Variants in CTNNB1 observed in about 807,000 individuals in gnomAD.
The protein encoded by CTNNB1 is catenin beta-1.
Under a neutral mutation model 82.5 loss-of-function variants are expected in CTNNB1, and 6 were observed. That is an observed-to-expected ratio of 0.07 (90% CI 0.04 to 0.14). CTNNB1 has a LOEUF of 0.14. CTNNB1 is among the 10% of genes least tolerant of loss of function. CTNNB1 has a pLI of 1.00. For missense variants in CTNNB1, 529 were observed against 980.4 expected (o/e 0.54, Z 6.15); for synonymous variants, 312 against 329.7 (o/e 0.95, Z 0.58).
chr3:41,214,139 A>G lies in CTNNB1; in HGVS notation c.-48-9882A>G, dbSNP rs114120789. ...TAACTTGGGTTCATTTCCTGATGGC[A>G]CACATGAAGTTTGGATCATATGGTT... On this transcript the variant is annotated intron_variant, in intron 1 of 14. Transcript: ENST00000349496. Among the ~76,000 whole-genome samples the G allele has an allele frequency of 2.2e-3, 328 of 152,260 alleles. 2 individuals are homozygous for G. Among genetic ancestry groups the G allele is most frequent in the African/African-American group, 7.5e-3 (310 of 41,554 alleles).
intron 1 of CTNNB1, among the ~76,000 whole-genome samples, chr3:41,202,670 T>C (rs2077559839): frequency 6.6e-6 from 1 of 152,194 alleles, no homozygotes; most frequent in Non-Finnish European, 1.5e-5. Context: ...AGACTATTTA[T>C]GTAATATTGC....
intron 1 of CTNNB1, among the ~76,000 whole-genome samples, chr3:41,210,523 A>C (rs1201822565): frequency 6.6e-6 from 1 of 152,160 alleles, no homozygotes; most frequent in Non-Finnish European, 1.5e-5. Flanking sequence ...CAGGATCATC[A>C]GTATCACTGT....
At position 41,239,377 on chromosome 3, in the gene CTNNB1, T is replaced by G; in HGVS notation, c.*35T>G. 1 of 1,586,094 alleles carries G rather than the reference T, an allele frequency of 6.3e-7. No individual in the cohort carries two copies. Among genetic ancestry groups the G allele is most frequent in the Non-Finnish European group, 8.6e-7 (1 of 1,160,164 alleles). ...TAGGTAAGAAGTTTTAAAAAGCCAG[T>G]TTGGGTAAAATACTTTTACTCTGCC... is the stretch of plus-strand genomic sequence containing the variant. On this transcript the variant is annotated 3_prime_UTR_variant, in exon 15 of 15. Transcript: ENST00000349496.
intron 11 of CTNNB1, chr3:41,236,125 TC>T (rs1344570640): frequency 1.4e-6 from 1 of 717,726 alleles, no homozygotes; most frequent in Non-Finnish European, 2.3e-6. Context: ...AAATCTTAGA[TC>T]AGTTAGAGCT....
intron 1 of CTNNB1, among the ~76,000 whole-genome samples, chr3:41,213,421 A>G (rs1413710498): frequency 1.3e-5 from 2 of 152,114 alleles, no homozygotes; most frequent in Non-Finnish European, 2.9e-5. Context: ...CCACTTGTTA[A>G]TTAGTTACAT....
In CTNNB1 at chr3:41,234,122, T is replaced by G. The variant is rs201206373; in HGVS notation, c.1525-17T>G. The G allele has an allele frequency of 6.2e-7, 1 of 1,614,172 alleles. No individual in the cohort carries two copies. The highest frequency in any genetic ancestry group is 1.1e-5 in the South Asian group (1 of 91,084). On this transcript the variant is annotated splice_polypyrimidine_tract_variant and intron_variant, in intron 9 of 14. Coordinates refer to ENST00000349496, the MANE Select transcript of CTNNB1 (RefSeq NM_001904.4). ...ATTTTGTTGAGTTGTATGCCAGTTCTTCCTTCTGTTTTTCAGGCTACTGTT... is the reference window on the plus strand; with the variant it reads ...ATTTTGTTGAGTTGTATGCCAGTTCGTCCTTCTGTTTTTCAGGCTACTGTT...
intron 1 of CTNNB1, among the ~76,000 whole-genome samples, chr3:41,200,773 C>G (rs1322234593): frequency 1.3e-5 from 2 of 152,198 alleles, no homozygotes; most frequent in Non-Finnish European, 1.5e-5. Flanking sequence ...ATCTGCCAAG[C>G]TTGAAAGCTT....
rs868651538 is a variant in CTNNB1 at position 41,233,420 on chromosome 3, T to C, written c.1161T>C (p.Asn387=). 1 of 1,614,218 alleles carries C rather than the reference T, an allele frequency of 6.2e-7. No homozygotes were observed. ...LVQNCLWTLR[N]LSDAATKQEG... Reference sequence around the variant, plus strand: ...AGAACTGTCTTTGGACTCTCAGGAATCTTTCAGATGCTGCAACTAAACAGG... The same window carrying C: ...AGAACTGTCTTTGGACTCTCAGGAACCTTTCAGATGCTGCAACTAAACAGG... Residue 387 remains asparagine (N), a synonymous_variant, in exon 8 of 15, where the codon AAT becomes AAC. Coordinates refer to ENST00000349496, the MANE Select transcript of CTNNB1 (RefSeq NM_001904.4).
intron 1 of CTNNB1, among the ~76,000 whole-genome samples, chr3:41,219,922 A>G (rs1436750736): frequency 6.6e-6 from 1 of 152,228 alleles, no homozygotes; most frequent in Non-Finnish European, 1.5e-5. Flanking sequence ...TAGTATAGAC[A>G]TACGATACAA....
chr3:41,217,157 C>G (rs768243806), intron 1 of CTNNB1, among the ~76,000 whole-genome samples: 44 of 152,146 alleles, frequency 2.9e-4, no homozygotes, highest in Non-Finnish European at 5.4e-4. Context: ...ACATTGAGTT[C>G]ATTCCTTACT....
chr3:41,238,884 C>T (rs1215068506), intron 14 of CTNNB1, among the ~76,000 whole-genome samples: 3 of 152,190 alleles, frequency 2.0e-5, no homozygotes, highest in Non-Finnish European at 4.4e-5. Flanking sequence ...AATGATGTGA[C>T]TAGGCCCTGC....
Position 41,225,213 on chromosome 3 carries a change from C to T in CTNNB1, c.495+6C>T, listed in dbSNP as rs1306180452. On this transcript the variant is annotated splice_donor_region_variant and intron_variant, in intron 4 of 14. Transcript: ENST00000349496. The surrounding 1 kb of genome is among the most constrained non-coding windows in gnomAD (Gnocchi z 5.3). ...TGCTAAATGACGAGGACCAGGTAAG[C>T]AATGACATAGCTAGCTTTTTAGTCT... The T allele has an allele frequency of 6.2e-7, 1 of 1,614,076 alleles. No homozygotes were observed. The highest frequency in any genetic ancestry group is 8.5e-7 in the Non-Finnish European group (1 of 1,179,980).
intron 7 of CTNNB1, among the ~76,000 whole-genome samples, chr3:41,232,993 G>C (rs149159976): frequency 4.1e-4 from 62 of 152,304 alleles, no homozygotes; most frequent in African/African-American, 1.3e-3. Flanking sequence ...TCTATCTGCA[G>C]CTCAGAACAG....
intron 13 of CTNNB1, 138 bp from the exon 14 acceptor site, chr3:41,237,878 A>G (rs2078476824): frequency 2.7e-6 from 2 of 749,800 alleles, no homozygotes; most frequent in South Asian, 1.5e-5. Flanking sequence ...AAGAACTTCC[A>G]TTTTCTAAGC....
chr3:41,228,586 TTTAAG>T (rs2078233202), intron 7 of CTNNB1, among the ~76,000 whole-genome samples: 1 of 152,210 alleles, frequency 6.6e-6, no homozygotes, highest in African/African-American at 2.4e-5. Flanking sequence ...TGCTTGTTAA[TTTAAG>T]TTTATTGTAA....
chr3:41,212,662 A>G (rs141846788), intron 1 of CTNNB1, among the ~76,000 whole-genome samples: 14 of 152,318 alleles, frequency 9.2e-5, no homozygotes, highest in African/African-American at 2.9e-4. Context: ...ACCCATGCCT[A>G]TTAAACATTT....
intron 7 of CTNNB1, among the ~76,000 whole-genome samples, chr3:41,232,422 C>T (rs1458507298): frequency 1.3e-5 from 2 of 151,826 alleles, no homozygotes; most frequent in African/African-American, 4.8e-5. Context: ...GAGTAACTTA[C>T]ACTATGAAGG....
In CTNNB1 at chr3:41,233,880, A is replaced by G. The variant is rs1161501624; in HGVS notation, c.1524+13A>G. 3 of 1,611,258 alleles carry G rather than the reference A, an allele frequency of 1.9e-6. No individual in the cohort carries two copies. The African/African-American group carries it at 4.0e-5, about 21-fold the overall frequency. On this transcript the variant is annotated intron_variant, in intron 9 of 14. Coordinates refer to ENST00000349496, the MANE Select transcript of CTNNB1 (RefSeq NM_001904.4). ...GCCTCTGATAAAGGTAAATTGTCAA[A>G]GTAGAATTTACCTTTGTTGCAGAAT...
At chr3:41,223,783 AC>A (rs1437369104) in intron 1 of CTNNB1, among the ~76,000 whole-genome samples, 1 of 152,168 alleles carries the variant, frequency 6.6e-6, no homozygotes, top group African/African-American at 2.4e-5. Context: ...TAATATTTAT[AC>A]TATTAATAAA....
Sources: allele counts gnomAD v4.1 joint callset (sites outside exome capture counted in the v4.1 genomes callset), GRCh38; gene constraint gnomAD v4.1.1; non-coding constraint Gnocchi (gnomAD v3.1); transcripts MANE v1.5; gene names NCBI Gene and HGNC (gene_info 2026-07-23, HGNC 2026-07-21).